The following FREM1 variants were observed in gnomAD, a reference collection of about 807,000 sequenced individuals.
The protein encoded by FREM1 is FRAS1 related extracellular matrix 1, also known as FRAS1-related extracellular matrix protein 1.
FREM1 carries 220 observed loss-of-function variants against 210.1 expected under a neutral mutation model. The observed-to-expected ratio is 1.05, with a 90% CI of 0.94 to 1.17. The LOEUF (loss-of-function observed/expected upper bound fraction) is 1.17, where lower values mean the gene tolerates loss of function less well. Among genes scored for constraint, FREM1 ranks in the 50% most tolerant of loss-of-function variants. FREM1 has a pLI of 0.00. For synonymous variants in FREM1, 1,189 were observed against 980.2 expected, an observed-to-expected ratio of 1.21 and a Z score of -3.98; for missense variants, 3,454 against 2,675.5, an observed-to-expected ratio of 1.29 and a Z score of -6.42.
intron 1 of FREM1, among the ~76,000 whole-genome samples, chr9:14,886,532 A>T: frequency 6.6e-6 from 1 of 152,194 alleles, no homozygotes; most frequent in East Asian, 1.9e-4. Context: ...AAGAAAGCCA[A>T]TGAAGATTTT....
At chr9:14,880,581 G>C (rs1834609967) in intron 1 of FREM1, among the ~76,000 whole-genome samples, 1 of 145,698 alleles carries the variant, frequency 6.9e-6, no homozygotes, top group African/African-American at 2.6e-5. Context: ...TCCAGCCTGG[G>C]TAACAGAGTG....
chr9:14,895,062 AG>A (rs1254388927), intron 1 of FREM1, among the ~76,000 whole-genome samples: 83 of 152,338 alleles, frequency 5.4e-4, no homozygotes, highest in African/African-American at 1.8e-3. Context: ...CAGGAGCTCC[AG>A]GTTATCTTGG....
At position 14,797,605 on chromosome 9, in the gene FREM1, G is replaced by T; in HGVS notation, c.3732C>A (p.Ser1244Arg). The T allele has an allele frequency of 1.2e-6, 2 of 1,611,582 alleles. No individual in the cohort carries two copies. Among genetic ancestry groups the T allele is most frequent in the Non-Finnish European group, 8.5e-7 (1 of 1,178,374 alleles). Reference sequence around the variant, plus strand: ...ATTGGATTGTAAAATCATCAGCAAGGCTCTCTGAGTCATCATGCATGTACG... The same window carrying T: ...ATTGGATTGTAAAATCATCAGCAAGTCTCTCTGAGTCATCATGCATGTACG... ...RLTYMHDDSE[S>R]LADDFTIQLS... The change falls in exon 21 of 37, where the codon AGC (serine) becomes AGA (arginine). Residue 1244 changes from serine to arginine, a missense_variant. Transcript: ENST00000380880.
At chr9:14,825,673 C>T (rs952339138) in intron 10 of FREM1, among the ~76,000 whole-genome samples, 1 of 151,060 alleles carries the variant, frequency 6.6e-6, no homozygotes, top group African/African-American at 2.4e-5. Context: ...TACCAACAAC[C>T]TGTGCTTTCT....
At chr9:14,774,566 A>G (rs1461829147) in intron 25 of FREM1, among the ~76,000 whole-genome samples, 2 of 143,036 alleles carry the variant, frequency 1.4e-5, no homozygotes, top group East Asian at 4.3e-4. Flanking sequence ...TCTCTCTCAG[A>G]GCAAGGAAAA....
At chr9:14,797,044 G>C (rs1003154158) in intron 21 of FREM1, among the ~76,000 whole-genome samples, 2 of 152,220 alleles carry the variant, frequency 1.3e-5, no homozygotes, top group African/African-American at 4.8e-5. Context: ...GATAATGAAA[G>C]AAGTGGGTTG....
chr9:14,799,210 C>A (rs528340581), intron 20 of FREM1, among the ~76,000 whole-genome samples: 7 of 151,654 alleles, frequency 4.6e-5, no homozygotes, highest in Admixed American at 3.9e-4. Flanking sequence ...CACTTGAGCC[C>A]TGGAAGTCCA....
chr9:14,766,468 C>A (rs1463854071), intron 27 of FREM1, among the ~76,000 whole-genome samples: 1 of 152,144 alleles, frequency 6.6e-6, no homozygotes, highest in African/African-American at 2.4e-5. Flanking sequence ...TCCACACGCA[C>A]ATCTCGATGA....
intron 29 of FREM1, among the ~76,000 whole-genome samples, chr9:14,750,487 C>T (rs551281878): frequency 6.6e-6 from 1 of 151,848 alleles, no homozygotes; most frequent in Non-Finnish European, 1.5e-5. Flanking sequence ...CGTTTAAATG[C>T]AAACACTGTA....
intron 1 of FREM1, among the ~76,000 whole-genome samples, chr9:14,908,732 T>C (rs1341119590): frequency 1.3e-5 from 2 of 152,168 alleles, no homozygotes; most frequent in Non-Finnish European, 2.9e-5. Context: ...TCAAGGACAA[T>C]GTAGAGCAAT....
At chr9:14,744,079 T>C (rs1201296043) in intron 35 of FREM1, among the ~76,000 whole-genome samples, 1 of 152,100 alleles carries the variant, frequency 6.6e-6, no homozygotes, top group Non-Finnish European at 1.5e-5. Context: ...TAATATTTTA[T>C]CTTATTTGAT....
intron 5 of FREM1, among the ~76,000 whole-genome samples, chr9:14,855,917 G>T (rs1287099622): frequency 6.6e-6 from 1 of 151,756 alleles, no homozygotes; most frequent in Non-Finnish European, 1.5e-5. Flanking sequence ...AAAAGTGAAA[G>T]GAGTTTTGTG....
chr9:14,758,152 C>G (rs894915225), intron 28 of FREM1, among the ~76,000 whole-genome samples: 2 of 152,192 alleles, frequency 1.3e-5, no homozygotes, highest in African/African-American at 4.8e-5. Context: ...GTCAAGCAGC[C>G]AAGCTCTAGT....
chr9:14,874,559 G>A (rs1267120870), intron 1 of FREM1, among the ~76,000 whole-genome samples: 35 of 148,474 alleles, frequency 2.4e-4, no homozygotes, highest in African/African-American at 8.5e-4. Context: ...GCCTATGTGT[G>A]TCTCTGCACA....
At chr9:14,814,740 T>C (rs1199854651) in intron 15 of FREM1, among the ~76,000 whole-genome samples, 7 of 152,040 alleles carry the variant, frequency 4.6e-5, no homozygotes, top group Non-Finnish European at 4.4e-5. Flanking sequence ...AGCTTTCAAA[T>C]GAATAATAAA....
At chr9:14,903,945 C>T (rs951077856) in intron 1 of FREM1, among the ~76,000 whole-genome samples, 1 of 151,838 alleles carries the variant, frequency 6.6e-6, no homozygotes, top group African/African-American at 2.4e-5. Flanking sequence ...CACAGTGAAA[C>T]CGCGTCTCTA....
chr9:14,802,355 G>T (rs559984749), intron 19 of FREM1, among the ~76,000 whole-genome samples: 1 of 152,248 alleles, frequency 6.6e-6, no homozygotes, highest in South Asian at 2.1e-4. Context: ...AGCATATTTG[G>T]TGGTTTTTAT....
In FREM1 at chr9:14,807,319, G is replaced by A. The variant is rs143742206; in HGVS notation, c.3089-473C>T. ...AGAGCTATTATGAATTGCTCATAACGAAGAGTTTTTTCGTGGCTTGATGCT... is the reference window on the plus strand; with the variant it reads ...AGAGCTATTATGAATTGCTCATAACAAAGAGTTTTTTCGTGGCTTGATGCT... On this transcript the variant is annotated intron_variant, in intron 17 of 36. Coordinates refer to ENST00000380880, the MANE Select transcript of FREM1 (RefSeq NM_001379081.2). 1.3e-3 allele frequency among the ~76,000 whole-genome samples: 200 copies of A among 152,304 alleles called. 1 individual carries two copies. The highest frequency in any genetic ancestry group is 4.6e-3 in the African/African-American group (193 of 41,562).
chr9:14,837,526 G>A (rs1165864146), intron 10 of FREM1, among the ~76,000 whole-genome samples: 1 of 152,110 alleles, frequency 6.6e-6, no homozygotes. Flanking sequence ...AAAAAAGCAT[G>A]CTGTACATTC....
Sources: allele counts gnomAD v4.1 joint callset (sites outside exome capture counted in the v4.1 genomes callset), GRCh38; gene constraint gnomAD v4.1.1; transcripts MANE v1.5; gene names NCBI Gene and HGNC (gene_info 2026-07-23, HGNC 2026-07-21).